SDHAF3: variants seen among roughly 807,000 people sequenced by gnomAD.
The protein encoded by SDHAF3 is succinate dehydrogenase assembly factor 3, mitochondrial.
In SDHAF3, 18 loss-of-function variants were observed where a neutral mutation model predicts 11.5. The ratio of observed to expected loss-of-function variants is 1.56; its 90% CI spans 1.08 to 2.32. SDHAF3 has a LOEUF of 2.32. Ranked by LOEUF, SDHAF3 falls within the 30% of genes most tolerant of loss-of-function variation. SDHAF3 has a pLI of 0.00. For synonymous variants in SDHAF3, 72 were observed against 59.3 expected (o/e 1.21, Z -0.99); for missense variants, 200 against 154.4 (o/e 1.30, Z -1.57).
intron 1 of SDHAF3, among the ~76,000 whole-genome samples, chr7:97,177,152 G>T (rs994091195): frequency 2.6e-5 from 4 of 151,692 alleles, no homozygotes; most frequent in African/African-American, 9.7e-5. Context: ...AACTTGCTAA[G>T]CTTCTTGAAT....
intron 1 of SDHAF3, chr7:97,142,546 T>G (rs912547285): frequency 2.6e-4 from 39 of 152,310 alleles, no homozygotes; most frequent in African/African-American, 9.1e-4. Context: ...TAATTTTGTT[T>G]TTTTGCTATT....
At chr7:97,144,404 AAGGTTTTTCCAGTGTTATCTTCT>A (rs923301971) in intron 1 of SDHAF3, among the ~76,000 whole-genome samples, 2 of 152,158 alleles carry the variant, frequency 1.3e-5, no homozygotes, top group African/African-American at 4.8e-5. Flanking sequence ...AATGTCTAGA[AAGGTTTTTCCAGTGTTATCTTCT>A]AGGATTTTTA....
intron 1 of SDHAF3, among the ~76,000 whole-genome samples, chr7:97,127,188 TC>T (rs1163042694): frequency 6.6e-6 from 1 of 152,018 alleles, no homozygotes; most frequent in Admixed American, 6.6e-5. Flanking sequence ...AATGGAGAAA[TC>T]ACCTGCCTTA....
At position 97,168,651 on chromosome 7, in the gene SDHAF3, C is replaced by T. The variant is rs923638218; in HGVS notation, c.175-12361C>T. On this transcript the variant is annotated intron_variant, in intron 1 of 1. Coordinates refer to ENST00000432641, the MANE Select transcript of SDHAF3 (RefSeq NM_020186.3). ...GCTAATGAAGATGGAAAAAGTGTGACACCTGCTCTAACTTCTTCCTGCTAA... is the reference window on the plus strand; with the variant it reads ...GCTAATGAAGATGGAAAAAGTGTGATACCTGCTCTAACTTCTTCCTGCTAA... Among the ~76,000 whole-genome samples the T allele has an allele frequency of 5.3e-5, 8 of 152,230 alleles. No individual in the cohort carries two copies. The South Asian group carries it at 1.5e-3, about 28-fold the overall frequency.
At chr7:97,146,986 C>T (rs1789145335) in intron 1 of SDHAF3, among the ~76,000 whole-genome samples, 1 of 152,112 alleles carries the variant, frequency 6.6e-6, no homozygotes, top group Non-Finnish European at 1.5e-5. Flanking sequence ...CGTGATCCAC[C>T]CACCTCAGCC....
chr7:97,149,084 C>CAG (rs1205213856), intron 1 of SDHAF3, among the ~76,000 whole-genome samples: 2 of 151,978 alleles, frequency 1.3e-5, no homozygotes, highest in African/African-American at 4.8e-5. Flanking sequence ...CGTGCACCAT[C>CAG]ACACCTGGCT....
At chr7:97,179,986 T>C (rs538541312) in intron 1 of SDHAF3, among the ~76,000 whole-genome samples, 1 of 152,356 alleles carries the variant, frequency 6.6e-6, no homozygotes, top group Non-Finnish European at 1.5e-5. Context: ...GTTCATTCAC[T>C]TTAACTTCAT....
chr7:97,176,260 T>C (rs1369545117), intron 1 of SDHAF3, among the ~76,000 whole-genome samples: 4 of 152,240 alleles, frequency 2.6e-5, no homozygotes, highest in Non-Finnish European at 4.4e-5. Flanking sequence ...GACAGCTTTC[T>C]GCTACTTGAA....
chr7:97,163,130 C>A (rs1170529905), intron 1 of SDHAF3, among the ~76,000 whole-genome samples: 1 of 148,200 alleles, frequency 6.7e-6, no homozygotes, highest in Non-Finnish European at 1.5e-5. Context: ...TATGTAATGC[C>A]CTTCTTTGTC....
At chr7:97,148,440 G>C (rs1789169273) in intron 1 of SDHAF3, among the ~76,000 whole-genome samples, 1 of 152,160 alleles carries the variant, frequency 6.6e-6, no homozygotes, top group African/African-American at 2.4e-5. Flanking sequence ...AGGATGCCGA[G>C]GCTGGAGGAT....
At chr7:97,146,711 A>T (rs1789139620) in intron 1 of SDHAF3, among the ~76,000 whole-genome samples, 1 of 152,144 alleles carries the variant, frequency 6.6e-6, no homozygotes, top group Non-Finnish European at 1.5e-5. Context: ...AATTTTGCCC[A>T]ATGGAGGAGA....
At chr7:97,141,456 C>G (rs988172771) in intron 1 of SDHAF3, among the ~76,000 whole-genome samples, 9 of 152,126 alleles carry the variant, frequency 5.9e-5, no homozygotes, top group African/African-American at 2.2e-4. Flanking sequence ...CCCGGACACC[C>G]AGCTTTAAAA....
chr7:97,179,194 A>ATATC (rs1789733146), intron 1 of SDHAF3, among the ~76,000 whole-genome samples: 2 of 152,182 alleles, frequency 1.3e-5, no homozygotes, highest in Admixed American at 6.5e-5. Context: ...TTGGTGTTAT[A>ATATC]TATCTATTCT....
chr7:97,175,525 A>C (rs1156341722), intron 1 of SDHAF3, among the ~76,000 whole-genome samples: 1 of 152,220 alleles, frequency 6.6e-6, no homozygotes, highest in African/African-American at 2.4e-5. Context: ...CTAAAAACTA[A>C]GCAGTCCTCT....
chr7:97,133,950 T>C (rs893138451), intron 1 of SDHAF3, among the ~76,000 whole-genome samples: 1 of 152,210 alleles, frequency 6.6e-6, no homozygotes, highest in East Asian at 1.9e-4. Context: ...AAAACTGGAA[T>C]ATTATTGTAC....
chr7:97,136,391 A>G (rs1584214282), intron 1 of SDHAF3: 1 of 638,684 alleles, frequency 1.6e-6, no homozygotes, highest in Non-Finnish European at 2.9e-6. Flanking sequence ...TAAATAGGGT[A>G]TGTCCAGAAA....
In SDHAF3 at chr7:97,165,066, C is replaced by T. The variant is rs1402138230; in HGVS notation, c.175-15946C>T. On this transcript the variant is annotated intron_variant, in intron 1 of 1. Transcript: ENST00000432641. ...TTGGGAGGCTGAGGTGGGCAGATCA[C>T]GAGGTCAGGAGATCAAGACCATCCT... 1.4e-4 allele frequency among the ~76,000 whole-genome samples: 21 copies of T among 152,110 alleles called. No individual in the cohort carries two copies. In the East Asian group the frequency reaches 2.1e-3, roughly 15 times the overall value.
intron 1 of SDHAF3, among the ~76,000 whole-genome samples, chr7:97,162,121 C>A (rs572406416): frequency 6.6e-6 from 1 of 152,312 alleles, no homozygotes; most frequent in African/African-American, 2.4e-5. Flanking sequence ...TTAATCATCG[C>A]CATTCTAACT....
At chr7:97,155,800 A>G (rs1385649644) in intron 1 of SDHAF3, among the ~76,000 whole-genome samples, 4 of 151,984 alleles carry the variant, frequency 2.6e-5, no homozygotes, top group Admixed American at 6.6e-5. Context: ...TGGAGCATAT[A>G]TATTTATATA....
Sources: gnomAD v4.1 joint callset for allele counts (sites outside exome capture counted in the v4.1 genomes callset) on GRCh38, gnomAD v4.1.1 for gene constraint, MANE v1.5 for transcripts, NCBI Gene and HGNC (gene_info 2026-07-23, HGNC 2026-07-21) for gene names.